Variants in RHOU observed in about 807,000 individuals in gnomAD.
RHOU encodes rho-related GTP-binding protein RhoU.
A neutral mutation model predicts 12.6 loss-of-function variants in RHOU; 8 were observed. The observed-to-expected ratio is 0.64, with a 90% CI of 0.37 to 1.15. The LOEUF (loss-of-function observed/expected upper bound fraction) is 1.15, where lower values mean the gene tolerates loss of function less well. RHOU is among the 50% of genes most tolerant of loss of function. RHOU has a pLI of 0.01. For missense variants in RHOU, 258 were observed against 347.0 expected (o/e 0.74, Z 2.04); for synonymous variants, 161 against 147.4 (o/e 1.09, Z -0.67).
the RHOU span, among the ~76,000 whole-genome samples, chr1:228,705,337 G>A: frequency 1.3e-5 from 2 of 152,044 alleles, no homozygotes; most frequent in Non-Finnish European, 2.9e-5. Flanking sequence ...ATTTCTGTAA[G>A]CATTTGCTGC....
At chr1:228,704,450 T>A in the RHOU span, among the ~76,000 whole-genome samples, 14 of 152,166 alleles carry the variant, frequency 9.2e-5, no homozygotes, top group East Asian at 2.3e-3. Context: ...CAATTTTTTT[T>A]ATTTTTATTT....
At chr1:228,652,613 T>C in the RHOU span, 1 of 152,190 alleles carries the variant, frequency 6.6e-6, no homozygotes, top group Non-Finnish European at 1.5e-5. Flanking sequence ...ACTTTCTTTT[T>C]TAAAAAAAAT....
the RHOU span, among the ~76,000 whole-genome samples, chr1:228,646,966 G>A: frequency 3.3e-5 from 5 of 152,162 alleles, no homozygotes; most frequent in Non-Finnish European, 4.4e-5. Flanking sequence ...CAGAGAAAGG[G>A]AGAAGTACAG....
In RHOU at chr1:228,738,246, T is replaced by G. The variant is rs914658978; in HGVS notation, c.321+515T>G. ...CCCATCACTTGAAGCACAGATACAT[T>G]TGTCAGAGCAGTCCTAAGCTGGAGG... is the stretch of plus-strand genomic sequence containing the variant. On this transcript the variant is annotated intron_variant, in intron 2 of 2. Transcript: ENST00000366691. The surrounding 1 kb of genome is among the most constrained non-coding windows in gnomAD (Gnocchi z 4.2). Among the ~76,000 whole-genome samples the G allele has an allele frequency of 1.3e-5, 2 of 152,158 alleles. No individual in the cohort carries two copies. The highest frequency in any genetic ancestry group is 4.8e-5 in the African/African-American group (2 of 41,430).
the RHOU span, among the ~76,000 whole-genome samples, chr1:228,658,286 CAAA>C: frequency 7.7e-4 from 72 of 93,944 alleles, no homozygotes; most frequent in South Asian, 7.9e-3. Flanking sequence ...GACCCTGTCT[CAAA>C]AAAAAAAAAA....
chr1:228,712,102 A>G, the RHOU span, among the ~76,000 whole-genome samples: 3 of 151,880 alleles, frequency 2.0e-5, no homozygotes, highest in East Asian at 3.9e-4. Flanking sequence ...AATCAAAACC[A>G]CAATGAGATA....
At chr1:228,666,293 T>C in the RHOU span, among the ~76,000 whole-genome samples, 2 of 152,196 alleles carry the variant, frequency 1.3e-5, no homozygotes, top group South Asian at 4.1e-4. Context: ...TTATTTTATT[T>C]TTTCCTAATT....
chr1:228,681,385 G>A, the RHOU span, among the ~76,000 whole-genome samples: 1 of 152,102 alleles, frequency 6.6e-6, no homozygotes, highest in Non-Finnish European at 1.5e-5. Context: ...AGCTGAGGAG[G>A]AGCAGTCTGG....
upstream of RHOU, among the ~76,000 whole-genome samples, chr1:228,732,455 A>G (rs952601619): frequency 1.3e-5 from 2 of 152,168 alleles, no homozygotes; most frequent in Admixed American, 6.5e-5. Context: ...TTCAACGTAA[A>G]AAGGGGTAAA....
At chr1:228,702,897 TAGA>T in the RHOU span, among the ~76,000 whole-genome samples, 1 of 152,194 alleles carries the variant, frequency 6.6e-6, no homozygotes, top group Non-Finnish European at 1.5e-5. Flanking sequence ...CTATCAGTCT[TAGA>T]ACTATCTGTT....
chr1:228,647,433 G>A, the RHOU span, among the ~76,000 whole-genome samples: 2,673 of 152,316 alleles, frequency 0.018, 81 homozygotes, highest in African/African-American at 0.061. Context: ...CGAAGTGCGG[G>A]GCAATAGGAA....
the RHOU span, among the ~76,000 whole-genome samples, chr1:228,728,811 C>T: frequency 8.5e-5 from 13 of 152,166 alleles, no homozygotes; most frequent in Non-Finnish European, 1.3e-4. Flanking sequence ...AGAAGTTTCC[C>T]ATGACCCCTT....
the RHOU span, among the ~76,000 whole-genome samples, chr1:228,684,867 T>C: frequency 2.9e-4 from 44 of 152,246 alleles, no homozygotes; most frequent in African/African-American, 1.0e-3. Context: ...GAGAGTGTTC[T>C]TGATCTTGTG....
the RHOU span, among the ~76,000 whole-genome samples, chr1:228,672,440 G>T: frequency 6.6e-6 from 1 of 152,158 alleles, no homozygotes; most frequent in African/African-American, 2.4e-5. Flanking sequence ...TGGGATTACA[G>T]GCACGAGCCA....
At chr1:228,663,758 A>G in the RHOU span, among the ~76,000 whole-genome samples, 1 of 140,902 alleles carries the variant, frequency 7.1e-6, no homozygotes, top group Non-Finnish European at 1.5e-5. Flanking sequence ...TCAGCCTCCC[A>G]CGTAGCTGGG....
At position 228,735,988 on chromosome 1, in the gene RHOU, CT is replaced by C; in HGVS notation, c.248del (p.Phe83SerfsTer15). 1.3e-6 allele frequency: 2 copies of C among 1,580,068 alleles called. No individual in the cohort carries two copies. Among genetic ancestry groups the C allele is most frequent in the Non-Finnish European group, 1.7e-6 (2 of 1,169,332 alleles). The part of the protein sequence containing the change: ...GYPTEYIPTA[F>X]DNFSAVVSVD... The stretch of plus-strand genomic sequence containing the variant: ...ACCCCACCGAGTACATCCCTACTGC[CT>C]TCGACAACTTCTCCGGTGAGCTGGC... On this transcript the variant is annotated frameshift_variant, in exon 1 of 3. Coordinates refer to ENST00000366691, the MANE Select transcript of RHOU (RefSeq NM_021205.6). LOFTEE classifies it high-confidence loss of function. The surrounding 1 kb of genome is among the most constrained non-coding windows in gnomAD (Gnocchi z 8.1).
rs1186509713 is a variant in RHOU, at chr1:228,744,799, T to C, written c.*1059T>C. 2 of 152,212 alleles carry C rather than the reference T, an allele frequency of 1.3e-5. No homozygotes were observed. The highest frequency in any genetic ancestry group is 6.5e-5 in the Admixed American group (1 of 15,282). The allele number at this position is 152,212 out of a possible 1,614,324, so 9.4% of individuals were successfully genotyped here. ...TAGGTCTGTATGGCTGTATTTGCTG[T>C]TGATTCAGACTTTCACACCATTAAT... is the stretch of plus-strand genomic sequence containing the variant. On this transcript the variant is annotated 3_prime_UTR_variant, in exon 3 of 3. Coordinates refer to ENST00000366691, the MANE Select transcript of RHOU (RefSeq NM_021205.6).
chr1:228,688,533 C>T, the RHOU span, among the ~76,000 whole-genome samples: 1 of 152,276 alleles, frequency 6.6e-6, no homozygotes, highest in Non-Finnish European at 1.5e-5. Context: ...CCTCCCATGT[C>T]TGCCTGCTGT....
the RHOU span, among the ~76,000 whole-genome samples, chr1:228,647,502 G>T: frequency 2.0e-5 from 3 of 152,216 alleles, no homozygotes; most frequent in South Asian, 2.1e-4. Flanking sequence ...TTCCTCCCGG[G>T]TAAAGCAGTC....
Sources: gnomAD v4.1 joint callset for allele counts (sites outside exome capture counted in the v4.1 genomes callset) on GRCh38, gnomAD v4.1.1 for gene constraint, Gnocchi (gnomAD v3.1) non-coding constraint, MANE v1.5 for transcripts, NCBI Gene and HGNC (gene_info 2026-07-23, HGNC 2026-07-21) for gene names.